RNF150: variants seen among roughly 807,000 people sequenced by gnomAD.
The protein encoded by RNF150 is ring finger protein 150.
Under a neutral mutation model 39.3 loss-of-function variants are expected in RNF150, and 24 were observed. The observed-to-expected ratio is 0.61, with a 90% CI of 0.44 to 0.86. The LOEUF is 0.86. Among genes scored for constraint, RNF150 ranks in the 40% least tolerant of loss-of-function variants. RNF150 has a pLI of 0.00. For missense variants in RNF150, 502 were observed against 587.8 expected (o/e 0.85, Z 1.51); for synonymous variants, 255 against 227.3 (o/e 1.12, Z -1.10).
At chr4:141,186,427 T>C (rs1578786813) in intron 1 of RNF150, among the ~76,000 whole-genome samples, 1 of 152,022 alleles carries the variant, frequency 6.6e-6, no homozygotes, top group South Asian at 2.1e-4. Context: ...TGAGAGGGGG[T>C]CTCTCCCTTT....
At chr4:140,879,483 T>A (rs1729294856) in intron 6 of RNF150, among the ~76,000 whole-genome samples, 1 of 152,256 alleles carries the variant, frequency 6.6e-6, no homozygotes, top group Admixed American at 6.5e-5. Context: ...ACTTTTTTGA[T>A]GCTATCATAA....
chr4:141,142,979 C>T (rs1478948285), intron 1 of RNF150, among the ~76,000 whole-genome samples: 2 of 152,102 alleles, frequency 1.3e-5, no homozygotes, highest in South Asian at 2.1e-4. Flanking sequence ...AAGCAATTCT[C>T]CTGCCTTGGC....
intron 1 of RNF150, among the ~76,000 whole-genome samples, chr4:141,191,048 A>T (rs1578789441): frequency 6.6e-6 from 1 of 152,320 alleles, no homozygotes; most frequent in African/African-American, 2.4e-5. Context: ...CATGGTAAGG[A>T]CTTAAGCCTT....
intron 2 of RNF150, among the ~76,000 whole-genome samples, 192 bp downstream of exon 2, chr4:140,967,431 C>T (rs1733287449): frequency 6.6e-6 from 1 of 151,966 alleles, no homozygotes; most frequent in African/African-American, 2.4e-5. Context: ...CTCCATTTTA[C>T]ATAAAAACAC....
At position 140,866,201 on chromosome 4, in the gene RNF150, A is replaced by G. The variant is rs1253469055; in HGVS notation, c.*2060T>C. The G allele has an allele frequency of 6.6e-6, 1 of 152,218 alleles. No homozygotes were observed. Among genetic ancestry groups the G allele is most frequent in the African/African-American group, 2.4e-5 (1 of 41,464 alleles). 9.4% of individuals were successfully genotyped at this position (152,218 alleles called of 1,614,324 possible). ...CTCAAAGGCTGTTATTACATGATAC[A>G]TGTCAAGTAACTCTACCTCCCCAAG... is the stretch of plus-strand genomic sequence containing the variant. On this transcript the variant is annotated 3_prime_UTR_variant, in exon 7 of 7. Coordinates refer to ENST00000515673, the MANE Select transcript of RNF150 (RefSeq NM_020724.2).
chr4:141,147,427 G>A (rs1727222260), intron 1 of RNF150, among the ~76,000 whole-genome samples: 1 of 152,152 alleles, frequency 6.6e-6, no homozygotes, highest in South Asian at 2.1e-4. Context: ...TACACAGGAG[G>A]TTTTCATGTG....
chr4:141,026,835 T>C (rs910861773), intron 1 of RNF150, among the ~76,000 whole-genome samples: 1 of 152,130 alleles, frequency 6.6e-6, no homozygotes. Flanking sequence ...CACAGGCAAA[T>C]GTCAGACCAG....
chr4:141,097,669 A>C (rs1738845749), intron 1 of RNF150, among the ~76,000 whole-genome samples: 1 of 151,934 alleles, frequency 6.6e-6, no homozygotes, highest in African/African-American at 2.4e-5. Flanking sequence ...GTTTTAACTT[A>C]TGTCTTTGAT....
intron 6 of RNF150, among the ~76,000 whole-genome samples, chr4:140,909,174 C>A (rs1233885393): frequency 6.6e-6 from 1 of 152,130 alleles, no homozygotes; most frequent in African/African-American, 2.4e-5. Flanking sequence ...TCCTCTGGGG[C>A]ACAATTTTCT....
intron 1 of RNF150, among the ~76,000 whole-genome samples, chr4:140,999,977 A>AGAGG: frequency 2.9e-5 from 1 of 34,718 alleles, no homozygotes; most frequent in East Asian, 7.8e-4. Context: ...AAGAAGAAGA[A>AGAGG]AAGAAGAAAA....
chr4:141,124,803 AAT>A (rs1047198953), intron 1 of RNF150, among the ~76,000 whole-genome samples: 8 of 152,224 alleles, frequency 5.3e-5, no homozygotes, highest in African/African-American at 1.9e-4. Context: ...CTTCTTACCT[AAT>A]ATATGTACTC....
At chr4:140,981,173 C>T (rs1733846834) in intron 1 of RNF150, among the ~76,000 whole-genome samples, 1 of 152,046 alleles carries the variant, frequency 6.6e-6, no homozygotes, top group Admixed American at 6.6e-5. Context: ...GTATTAAGGT[C>T]AAGTTAAAAG....
At chr4:141,016,721 ACTT>A (rs1735291882) in intron 1 of RNF150, among the ~76,000 whole-genome samples, 1 of 152,228 alleles carries the variant, frequency 6.6e-6, no homozygotes, top group East Asian at 1.9e-4. Flanking sequence ...CTGACAATCT[ACTT>A]CTGCCTGAAA....
intron 4 of RNF150, among the ~76,000 whole-genome samples, chr4:140,938,116 T>C (rs535371705): frequency 6.6e-6 from 1 of 152,320 alleles, no homozygotes; most frequent in African/African-American, 2.4e-5. Flanking sequence ...CATTTTTTTT[T>C]ACTCATAAAG....
intron 1 of RNF150, among the ~76,000 whole-genome samples, chr4:141,009,854 T>G (rs1735009648): frequency 1.3e-5 from 2 of 152,190 alleles, no homozygotes; most frequent in African/African-American, 4.8e-5. Flanking sequence ...CCCTCTGGAC[T>G]GCAGGCATCC....
intron 5 of RNF150, among the ~76,000 whole-genome samples, chr4:140,912,043 C>T (rs1410063825): frequency 6.6e-6 from 1 of 152,212 alleles, no homozygotes; most frequent in African/African-American, 2.4e-5. Context: ...CCATTGATTA[C>T]AGGACGCTTT....
chr4:140,921,546 G>A (rs1458316611), intron 5 of RNF150, among the ~76,000 whole-genome samples: 2 of 152,148 alleles, frequency 1.3e-5, no homozygotes, highest in Non-Finnish European at 2.9e-5. Context: ...GGTACAAGGA[G>A]GAGCTGGTAC....
chr4:141,050,910 A>G (rs1263137993), intron 1 of RNF150, among the ~76,000 whole-genome samples: 1 of 151,970 alleles, frequency 6.6e-6, no homozygotes, highest in Non-Finnish European at 1.5e-5. Flanking sequence ...GGGGGCTCCA[A>G]CCCCACATTT....
chr4:141,024,380 C>T (rs1003026220), intron 1 of RNF150, among the ~76,000 whole-genome samples: 1 of 152,066 alleles, frequency 6.6e-6, no homozygotes, highest in Non-Finnish European at 1.5e-5. Context: ...GCTTGAGTTC[C>T]AATTTGCACT....
Sources: allele counts gnomAD v4.1 joint callset (sites outside exome capture counted in the v4.1 genomes callset), GRCh38; gene constraint gnomAD v4.1.1; transcripts MANE v1.5; gene names NCBI Gene and HGNC (gene_info 2026-07-23, HGNC 2026-07-21).